NCKAP1: variants seen among roughly 807,000 people sequenced by gnomAD.
NCKAP1 encodes the protein nck-associated protein 1.
Under a neutral mutation model 151.2 loss-of-function variants are expected in NCKAP1, and 21 were observed. The observed-to-expected ratio is 0.14, with a 90% CI of 0.10 to 0.20. The LOEUF (loss-of-function observed/expected upper bound fraction) is 0.20, where lower values mean the gene tolerates loss of function less well. Ranked by LOEUF, NCKAP1 falls within the 10% of genes least tolerant of loss-of-function variation. The pLI is 1.00. For missense variants in NCKAP1, 933 were observed against 1,352.1 expected, an observed-to-expected ratio of 0.69 and a Z score of 4.86; for synonymous variants, 484 against 451.8, an observed-to-expected ratio of 1.07 and a Z score of -0.90.
intron 2 of NCKAP1, among the ~76,000 whole-genome samples, chr2:183,019,762 T>A (rs1257331798): frequency 1.3e-5 from 2 of 152,226 alleles, no homozygotes; most frequent in Non-Finnish European, 2.9e-5. Context: ...TTTCATTTAA[T>A]CAGCTTGCTC....
intron 9 of NCKAP1, among the ~76,000 whole-genome samples, chr2:182,986,505 A>T (rs1559094472): frequency 6.6e-6 from 1 of 152,294 alleles, no homozygotes; most frequent in Middle Eastern, 3.4e-3. Context: ...TACTTCCTTA[A>T]GCCCCAATGG....
intron 1 of NCKAP1, among the ~76,000 whole-genome samples, 178 bp downstream of exon 1, chr2:183,037,814 G>T (rs1356242224): frequency 6.6e-6 from 1 of 151,892 alleles, no homozygotes; most frequent in African/African-American, 2.4e-5. Context: ...AGGGAGAGGC[G>T]CCCGGGACTC....
At chr2:183,018,243 T>A (rs957442391) in intron 2 of NCKAP1, among the ~76,000 whole-genome samples, 3 of 151,944 alleles carry the variant, frequency 2.0e-5, no homozygotes, top group African/African-American at 7.3e-5. Context: ...CAAGACTCCG[T>A]CTCAAAAAAA....
At chr2:183,003,141 T>C in intron 3 of NCKAP1, 92 bp downstream of exon 3, 1 of 1,286,396 alleles carries the variant, frequency 7.8e-7, no homozygotes, top group Non-Finnish European at 1.1e-6. Flanking sequence ...AATTTCAATT[T>C]TATTATTTAC....
chr2:182,948,268 A>C (rs1697146886), intron 23 of NCKAP1, among the ~76,000 whole-genome samples: 1 of 152,154 alleles, frequency 6.6e-6, no homozygotes. Context: ...TATGAAGGTA[A>C]AATGAAAAGT....
intron 2 of NCKAP1, among the ~76,000 whole-genome samples, chr2:183,009,648 C>T (rs1298122354): frequency 2.6e-5 from 4 of 152,096 alleles, no homozygotes; most frequent in East Asian, 1.9e-4. Flanking sequence ...ATAAAATTTG[C>T]CATGTTAACC....
Position 183,038,094 on chromosome 2 carries a change from C to A in NCKAP1, c.6G>T (p.Ser2=). The A allele has an allele frequency of 6.4e-7, 1 of 1,568,834 alleles. No homozygotes were observed. Among genetic ancestry groups the A allele is most frequent in the Non-Finnish European group, 8.6e-7 (1 of 1,166,976 alleles). ...GCTGACTGGGCTGCAGCACTGAGCG[C>A]GACATGGTGGTGCTGGTGCCGCCGC... M[S]RSVLQPSQQK... is the part of the protein sequence containing the mutation. Residue 2 remains serine (S), a synonymous_variant, in exon 1 of 31, where the codon TCG becomes TCT. Transcript: ENST00000361354.
chr2:182,938,346 C>G (rs1236745397), intron 24 of NCKAP1, among the ~76,000 whole-genome samples: 1 of 151,514 alleles, frequency 6.6e-6, no homozygotes, highest in East Asian at 1.9e-4. Context: ...CCTGCAAAAA[C>G]GACGAAGAGT....
rs1460389137 is a variant in NCKAP1 at position 182,919,243 on chromosome 2, TG to T, written c.*6458del. 1 of 152,270 alleles carries T rather than the reference TG, an allele frequency of 6.6e-6. No individual in the cohort carries two copies. The highest frequency in any genetic ancestry group is 2.4e-5 in the African/African-American group (1 of 41,476). The allele number at this position is 152,270 out of a possible 1,614,324, so 9.4% of individuals were successfully genotyped here. A position where few individuals can be genotyped will look rare whatever the true frequency, so the allele number is the denominator to read the frequency against. ...CCTAGCCATCACAAGTTCTGCCATC[TG>T]GGCCTTGCTTCAGACTGCAAAGACC... On this transcript the variant is annotated 3_prime_UTR_variant, in exon 31 of 31. Transcript: ENST00000361354.
intron 2 of NCKAP1, among the ~76,000 whole-genome samples, chr2:183,023,252 T>C (rs1366891664): frequency 6.6e-6 from 1 of 152,136 alleles, no homozygotes; most frequent in Non-Finnish European, 1.5e-5. Context: ...ATTCTGAACA[T>C]GACCATTCTT....
intron 10 of NCKAP1, among the ~76,000 whole-genome samples, chr2:182,983,776 T>C (rs1300739233): frequency 6.6e-6 from 1 of 152,194 alleles, no homozygotes; most frequent in African/African-American, 2.4e-5. Flanking sequence ...CCCATGCCTG[T>C]AATCCCAGCA....
intron 2 of NCKAP1, among the ~76,000 whole-genome samples, chr2:183,014,900 C>A (rs1392918863): frequency 6.6e-6 from 1 of 152,154 alleles, no homozygotes; most frequent in East Asian, 1.9e-4. Flanking sequence ...CTATGAAGGG[C>A]ATCAAAATCA....
chr2:182,994,918 A>G (rs777575859), intron 7 of NCKAP1, 31 bp from the exon 8 acceptor site: 5 of 1,548,808 alleles, frequency 3.2e-6, no homozygotes, highest in Admixed American at 3.4e-5. Context: ...ATTTGCAGTT[A>G]AAAGAAATTC....
chr2:182,999,278 C>T (rs1201667183), intron 6 of NCKAP1, among the ~76,000 whole-genome samples: 1 of 151,980 alleles, frequency 6.6e-6, no homozygotes, highest in Non-Finnish European at 1.5e-5. Flanking sequence ...AGAATCTATA[C>T]GGAACTTAAA....
intron 1 of NCKAP1, among the ~76,000 whole-genome samples, chr2:183,035,277 T>C (rs978398680): frequency 2.0e-4 from 30 of 149,748 alleles, no homozygotes; most frequent in Non-Finnish European, 1.9e-4. Context: ...TTTTGACTGA[T>C]GAAATTAAAA....
chr2:183,007,773 T>C (rs1035292890), intron 2 of NCKAP1, among the ~76,000 whole-genome samples: 1 of 152,194 alleles, frequency 6.6e-6, no homozygotes, highest in African/African-American at 2.4e-5. Context: ...AGATGCTATT[T>C]GGGTAAATCT....
chr2:183,018,241 C>T (rs997184881), intron 2 of NCKAP1, among the ~76,000 whole-genome samples: 2 of 151,798 alleles, frequency 1.3e-5, no homozygotes, highest in Non-Finnish European at 2.9e-5. Flanking sequence ...AGCAAGACTC[C>T]GTCTCAAAAA....
intron 13 of NCKAP1, 85 bp downstream of exon 13, chr2:182,981,159 T>A: frequency 6.7e-7 from 1 of 1,483,454 alleles, no homozygotes; most frequent in Non-Finnish European, 9.2e-7. Context: ...TGATATTTCA[T>A]AAATGCTTGT....
intron 29 of NCKAP1, among the ~76,000 whole-genome samples, 179 bp downstream of exon 29, chr2:182,927,938 A>C (rs1696682266): frequency 2.6e-5 from 4 of 152,084 alleles, no homozygotes; most frequent in Admixed American, 2.6e-4. Flanking sequence ...AAAATAAACA[A>C]ATAAAAATAA....
Sources: gnomAD v4.1 joint callset for allele counts (sites outside exome capture counted in the v4.1 genomes callset) on GRCh38, gnomAD v4.1.1 for gene constraint, MANE v1.5 for transcripts, NCBI Gene and HGNC (gene_info 2026-07-23, HGNC 2026-07-21) for gene names.